PTK2: variants seen among roughly 807,000 people sequenced by gnomAD.
PTK2 encodes protein tyrosine kinase 2, also known as focal adhesion kinase 1.
PTK2 carries 45 observed loss-of-function variants against 150.1 expected under a neutral mutation model. The ratio of observed to expected loss-of-function variants is 0.30; its 90% CI spans 0.24 to 0.38. The LOEUF (loss-of-function observed/expected upper bound fraction) is 0.38. Among genes scored for constraint, PTK2 ranks in the 10% least tolerant of loss-of-function variants. PTK2 has a pLI of 1.00. For missense variants in PTK2, 919 were observed against 1,307.3 expected, an observed-to-expected ratio of 0.70 and a Z score of 4.58; for synonymous variants, 432 against 449.2, an observed-to-expected ratio of 0.96 and a Z score of 0.48.
At chr8:140,952,034 A>G (rs2154609127) in intron 1 of PTK2, among the ~76,000 whole-genome samples, 1 of 151,996 alleles carries the variant, frequency 6.6e-6, no homozygotes, top group Middle Eastern at 3.4e-3. Flanking sequence ...TAAGTTTTGT[A>G]TTTCTGCTAT....
chr8:140,819,111 C>A, intron 8 of PTK2, 91 bp from the exon 9 acceptor site: 1 of 1,274,226 alleles, frequency 7.8e-7, no homozygotes, highest in Non-Finnish European at 1.1e-6. Flanking sequence ...CTACCAACTA[C>A]TTACTAACAC....
chr8:140,667,199 C>T (rs1589014772), intron 30 of PTK2, among the ~76,000 whole-genome samples: 1 of 152,082 alleles, frequency 6.6e-6, no homozygotes, highest in African/African-American at 2.4e-5. Context: ...CTGATGGTGG[C>T]ACAACATTGT....
intron 1 of PTK2, among the ~76,000 whole-genome samples, chr8:141,000,317 G>A (rs1323907273): frequency 1.3e-5 from 2 of 152,188 alleles, no homozygotes; most frequent in African/African-American, 2.4e-5. Context: ...GAAGCCCACG[G>A]GGCTCTACCA....
At chr8:140,703,386 C>A (rs2100031876) in intron 24 of PTK2, among the ~76,000 whole-genome samples, 1 of 152,180 alleles carries the variant, frequency 6.6e-6, no homozygotes, top group Admixed American at 6.5e-5. Flanking sequence ...GCTAAAATCT[C>A]AAGAAAGGAC....
At chr8:140,818,148 T>C (rs2100105856) in intron 10 of PTK2, 129 bp downstream of exon 10, 3 of 807,852 alleles carry the variant, frequency 3.7e-6, no homozygotes, top group African/African-American at 1.7e-5. Flanking sequence ...CCCACTCCAC[T>C]GAACAATAAA....
At chr8:140,884,819 G>T (rs1040062494) in intron 3 of PTK2, among the ~76,000 whole-genome samples, 1 of 152,120 alleles carries the variant, frequency 6.6e-6, no homozygotes, top group Non-Finnish European at 1.5e-5. Context: ...TACCAGCTTG[G>T]TAACAGTAAT....
At chr8:140,706,354 C>T in intron 23 of PTK2, 149 bp from the exon 27 acceptor site, 1 of 578,794 alleles carries the variant, frequency 1.7e-6, no homozygotes, top group Non-Finnish European at 3.1e-6. Context: ...AAAGAACAGT[C>T]TTTTCAACAA....
At chr8:140,759,836 C>A (rs1222264553) in intron 16 of PTK2, among the ~76,000 whole-genome samples, 1 of 151,804 alleles carries the variant, frequency 6.6e-6, no homozygotes, top group East Asian at 1.9e-4. Context: ...GAGCAAGACT[C>A]TCTCTCTCAC....
At chr8:140,715,347 A>T (rs546491258) in intron 23 of PTK2, among the ~76,000 whole-genome samples, 1 of 151,260 alleles carries the variant, frequency 6.6e-6, no homozygotes, top group South Asian at 2.1e-4. Flanking sequence ...TGATTTTTGT[A>T]TATTAGTAGA....
At chr8:140,963,047 G>C (rs1002741141) in intron 1 of PTK2, among the ~76,000 whole-genome samples, 1 of 151,994 alleles carries the variant, frequency 6.6e-6, no homozygotes, top group Admixed American at 6.6e-5. Flanking sequence ...AAGCAGATTT[G>C]GCCCACGTGC....
chr8:140,759,530 T>TAAAAAAAAAAAAAAAAAAAAA (rs761643170), intron 16 of PTK2, among the ~76,000 whole-genome samples: 3 of 58,072 alleles, frequency 5.2e-5, no homozygotes, highest in Admixed American at 2.6e-4. Context: ...GACCCTGTCC[T>TAAAAAAAAAAAAAAAAAAAAA]AAAAAAAAAA....
At chr8:140,761,747 A>T (rs1338974933) in intron 15 of PTK2, among the ~76,000 whole-genome samples, 1 of 152,100 alleles carries the variant, frequency 6.6e-6, no homozygotes, top group Non-Finnish European at 1.5e-5. Flanking sequence ...AAAGTTTAAG[A>T]GTTTTCCACT....
At chr8:140,912,114 G>A (rs1250954652) in intron 2 of PTK2, among the ~76,000 whole-genome samples, 2 of 151,876 alleles carry the variant, frequency 1.3e-5, no homozygotes, top group African/African-American at 2.4e-5. Context: ...ATGGTGGCAC[G>A]CACCTGTAGT....
At chr8:140,983,021 T>G (rs769943129) in intron 1 of PTK2, among the ~76,000 whole-genome samples, 2 of 152,150 alleles carry the variant, frequency 1.3e-5, no homozygotes, top group Non-Finnish European at 2.9e-5. Context: ...TCTTTCAAAA[T>G]CCTTAGTACA....
chr8:140,882,280 T>G (rs183465352), intron 3 of PTK2, among the ~76,000 whole-genome samples: 44 of 152,308 alleles, frequency 2.9e-4, no homozygotes, highest in African/African-American at 1.0e-3. Flanking sequence ...GAGAACTACG[T>G]ATTTAGTGAG....
chr8:140,691,468 A>C (rs1204811457), intron 26 of PTK2, among the ~76,000 whole-genome samples: 3 of 152,178 alleles, frequency 2.0e-5, no homozygotes, highest in Non-Finnish European at 2.9e-5. Flanking sequence ...AATACTGTAT[A>C]ATATATTGTT....
intron 7 of PTK2, chr8:140,832,817 T>C (rs2100116275): frequency 1.9e-6 from 1 of 518,146 alleles, no homozygotes; most frequent in South Asian, 1.4e-5. Flanking sequence ...AACAGACCCA[T>C]GGGCAAGGTG....
At chr8:140,875,565 GT>G (rs1202498748) in intron 4 of PTK2, among the ~76,000 whole-genome samples, 1 of 152,194 alleles carries the variant, frequency 6.6e-6, no homozygotes, top group Admixed American at 6.5e-5. Flanking sequence ...GCTACTGGAA[GT>G]TTCTGAGCCC....
intron 2 of PTK2, among the ~76,000 whole-genome samples, chr8:140,917,856 A>G (rs1208053482): frequency 6.6e-6 from 1 of 152,246 alleles, no homozygotes; most frequent in Non-Finnish European, 1.5e-5. Flanking sequence ...AAAAGGATAT[A>G]GGAGGGGACA....
Sources: allele counts gnomAD v4.1 joint callset (sites outside exome capture counted in the v4.1 genomes callset), GRCh38; gene constraint gnomAD v4.1.1; transcripts MANE v1.5; gene names NCBI Gene and HGNC (gene_info 2026-07-23, HGNC 2026-07-21).